Variants in RBFOX1 observed in about 807,000 individuals in gnomAD.
The protein encoded by RBFOX1 is RNA binding fox-1 homolog 1, also known as RNA binding protein fox-1 homolog 1.
Under a neutral mutation model 57.7 loss-of-function variants are expected in RBFOX1, and 8 were observed. That is an observed-to-expected ratio of 0.14 (90% CI 0.08 to 0.25). RBFOX1 has a LOEUF of 0.25. Ranked by LOEUF, RBFOX1 falls within the 10% of genes least tolerant of loss-of-function variation. The pLI is 1.00. For missense variants in RBFOX1, 611 were observed against 548.5 expected (o/e 1.11, Z -1.14); for synonymous variants, 326 against 222.4 (o/e 1.47, Z -4.15).
At chr16:7,044,177 A>G (rs917535245) in intron 3 of RBFOX1, among the ~76,000 whole-genome samples, 4 of 152,116 alleles carry the variant, frequency 2.6e-5, no homozygotes, top group African/African-American at 4.8e-5. Flanking sequence ...GTATATGTGC[A>G]TGTGTGGGTA....
chr16:5,821,107 G>C (rs971425200), intron 3 of RBFOX1, among the ~76,000 whole-genome samples: 1 of 151,980 alleles, frequency 6.6e-6, no homozygotes, highest in Non-Finnish European at 1.5e-5. Context: ...CCCCCATCAG[G>C]ACCAAACTCA....
intron 1 of RBFOX1, among the ~76,000 whole-genome samples, chr16:6,065,808 A>C (rs948183885): frequency 6.6e-6 from 1 of 152,140 alleles, no homozygotes. Flanking sequence ...ATAGATGAGA[A>C]AACAGAGGCT....
chr16:6,704,042 C>G (rs1191104394), intron 3 of RBFOX1: 2 of 152,434 alleles, frequency 1.3e-5, no homozygotes, highest in African/African-American at 2.4e-5. Context: ...CATCTAATTC[C>G]CCCTCCTCCT....
At chr16:5,821,089 G>T (rs2055836275) in intron 3 of RBFOX1, among the ~76,000 whole-genome samples, 1 of 152,014 alleles carries the variant, frequency 6.6e-6, no homozygotes, top group African/African-American at 2.4e-5. Flanking sequence ...CAGGGTCTCT[G>T]CAGCACACCC....
At chr16:7,085,004 C>A (rs1443442994) in intron 4 of RBFOX1, among the ~76,000 whole-genome samples, 1 of 152,090 alleles carries the variant, frequency 6.6e-6, no homozygotes, top group Non-Finnish European at 1.5e-5. Context: ...CCATGCATCC[C>A]ACTAATATGT....
chr16:6,684,179 G>A (rs987823689), intron 3 of RBFOX1, among the ~76,000 whole-genome samples: 5 of 152,174 alleles, frequency 3.3e-5, no homozygotes, highest in African/African-American at 7.2e-5. Flanking sequence ...GATGTTAAAC[G>A]CAAGGATGTA....
intron 4 of RBFOX1, among the ~76,000 whole-genome samples, chr16:7,473,205 C>G (rs573585198): frequency 1.3e-5 from 2 of 152,008 alleles, no homozygotes; most frequent in African/African-American, 4.8e-5. Flanking sequence ...TGGCAAAACG[C>G]CATTTCTACT....
At chr16:5,708,721 C>T (rs74006214) in intron 3 of RBFOX1, among the ~76,000 whole-genome samples, 62 of 152,254 alleles carry the variant, frequency 4.1e-4, no homozygotes, top group African/African-American at 1.4e-3. Flanking sequence ...CTGGCACCGG[C>T]TTGGGCAATA....
intron 1 of RBFOX1, among the ~76,000 whole-genome samples, chr16:5,393,043 C>A (rs547527): frequency 0.76 from 115,921 of 151,986 alleles, 44,796 homozygotes; most frequent in East Asian, 0.89. Context: ...GCTAAAAGAC[C>A]TCCGAGCATG....
At chr16:5,904,956 G>C (rs61005207) in intron 4 of RBFOX1, among the ~76,000 whole-genome samples, 98 of 123,386 alleles carry the variant, frequency 7.9e-4, no homozygotes, top group Admixed American at 1.8e-3. Context: ...CAGCCTGGGC[G>C]ACAGAGCAAG....
intron 3 of RBFOX1, among the ~76,000 whole-genome samples, chr16:7,006,183 A>C (rs550358188): frequency 2.0e-5 from 3 of 151,688 alleles, no homozygotes; most frequent in Non-Finnish European, 4.4e-5. Context: ...ATGGAGTCTC[A>C]CTCTGTTTGT....
At chr16:7,616,151 C>G (rs1029700243) in intron 10 of RBFOX1, among the ~76,000 whole-genome samples, 1 of 152,128 alleles carries the variant, frequency 6.6e-6, no homozygotes, top group Admixed American at 6.6e-5. Context: ...ATTAGAAGGA[C>G]TCAGAGTTCA....
intron 3 of RBFOX1, among the ~76,000 whole-genome samples, chr16:6,778,766 G>T (rs1317969185): frequency 5.3e-5 from 8 of 151,784 alleles, no homozygotes; most frequent in African/African-American, 1.9e-4. Context: ...GAATTTTCTT[G>T]TTTATCGCAC....
chr16:6,101,852 G>A (rs1275553347), intron 1 of RBFOX1, among the ~76,000 whole-genome samples: 3 of 152,148 alleles, frequency 2.0e-5, no homozygotes, highest in Non-Finnish European at 4.4e-5. Flanking sequence ...ATCTGCCGGG[G>A]CAGCTGTAGT....
chr16:6,718,906 A>G (rs1490024295), intron 3 of RBFOX1, among the ~76,000 whole-genome samples: 1 of 151,796 alleles, frequency 6.6e-6, no homozygotes, highest in Non-Finnish European at 1.5e-5. Context: ...ACTGTTGCCT[A>G]GGCTGGAGTG....
At chr16:5,430,665 C>T (rs945346290) in intron 1 of RBFOX1, among the ~76,000 whole-genome samples, 1 of 152,200 alleles carries the variant, frequency 6.6e-6, no homozygotes. Context: ...CAGCTCAGGG[C>T]CTGGTCAAGG....
At chr16:5,325,421 A>G (rs2064541423) in intron 1 of RBFOX1, among the ~76,000 whole-genome samples, 1 of 152,044 alleles carries the variant, frequency 6.6e-6, no homozygotes, top group African/African-American at 2.4e-5. Flanking sequence ...ATTTTCTACC[A>G]CATTTGTTTT....
intron 4 of RBFOX1, among the ~76,000 whole-genome samples, chr16:7,307,743 C>A (rs1211942119): frequency 6.6e-6 from 1 of 152,192 alleles, no homozygotes; most frequent in Non-Finnish European, 1.5e-5. Flanking sequence ...TACATACACA[C>A]AGACACATAT....
intron 3 of RBFOX1, among the ~76,000 whole-genome samples, chr16:5,720,201 T>C (rs1364353202): frequency 6.6e-6 from 1 of 152,236 alleles, no homozygotes; most frequent in Non-Finnish European, 1.5e-5. Flanking sequence ...GTGTGCTTAC[T>C]GGTCATTTGT....
Sources: gnomAD v4.1 joint callset for allele counts (sites outside exome capture counted in the v4.1 genomes callset) on GRCh38, gnomAD v4.1.1 for gene constraint, MANE v1.5 for transcripts, NCBI Gene and HGNC (gene_info 2026-07-23, HGNC 2026-07-21) for gene names.